Variants in PXDNL observed in about 807,000 individuals in gnomAD.
The protein encoded by PXDNL is peroxidasin like, also known as probable oxidoreductase PXDNL.
Under a neutral mutation model 150.8 loss-of-function variants are expected in PXDNL, and 145 were observed. The observed-to-expected ratio is 0.96, with a 90% confidence interval of 0.84 to 1.10. PXDNL has a LOEUF of 1.10. Ranked by LOEUF, PXDNL falls within the 50% of genes least tolerant of loss-of-function variation. The pLI, the probability that PXDNL is intolerant of heterozygous loss-of-function variation, is 0.00. For synonymous variants in PXDNL, 757 were observed against 725.7 expected, an observed-to-expected ratio of 1.04 and a Z score of -0.69; for missense variants, 2,087 against 1,873.9, an observed-to-expected ratio of 1.11 and a Z score of -2.10.
intron 1 of PXDNL, among the ~76,000 whole-genome samples, chr8:51,741,340 T>G (rs2036904838): frequency 6.6e-6 from 1 of 152,212 alleles, no homozygotes; most frequent in Non-Finnish European, 1.5e-5. Flanking sequence ...ACTTGTCTAA[T>G]GATTTTAGGT....
intron 3 of PXDNL, among the ~76,000 whole-genome samples, chr8:51,564,004 C>T (rs1364748368): frequency 6.6e-6 from 1 of 151,920 alleles, no homozygotes; most frequent in African/African-American, 2.4e-5. Context: ...TACACAAAAT[C>T]TAAAAGTCAT....
chr8:51,398,910 T>A (rs1466639913), intron 17 of PXDNL, among the ~76,000 whole-genome samples: 1 of 152,150 alleles, frequency 6.6e-6, no homozygotes, highest in African/African-American at 2.4e-5. Context: ...TGAATTAACA[T>A]TTAAACAAAT....
At chr8:51,732,297 A>T (rs1364977031) in intron 1 of PXDNL, among the ~76,000 whole-genome samples, 2 of 152,046 alleles carry the variant, frequency 1.3e-5, no homozygotes, top group Non-Finnish European at 2.9e-5. Context: ...ATGCCACCAG[A>T]CTCTTTGCTA....
chr8:51,771,021 C>A (rs2037287745), intron 1 of PXDNL, among the ~76,000 whole-genome samples: 1 of 152,214 alleles, frequency 6.6e-6, no homozygotes, highest in African/African-American at 2.4e-5. Context: ...ATCCTAAAGA[C>A]AATGACACAC....
intron 17 of PXDNL, among the ~76,000 whole-genome samples, chr8:51,397,783 C>A (rs200202478): frequency 1.3e-5 from 2 of 151,700 alleles, no homozygotes; most frequent in Admixed American, 1.3e-4. Flanking sequence ...ACTTTAAGTT[C>A]TAGGGTACAT....
chr8:51,403,424 C>T (rs1027623791), intron 17 of PXDNL, among the ~76,000 whole-genome samples: 1 of 152,132 alleles, frequency 6.6e-6, no homozygotes, highest in Non-Finnish European at 1.5e-5. Flanking sequence ...CCTCTGCTGT[C>T]CTCCCCTCTA....
intron 21 of PXDNL, among the ~76,000 whole-genome samples, chr8:51,334,147 G>C (rs1805772988): frequency 6.6e-6 from 1 of 152,120 alleles, no homozygotes; most frequent in Admixed American, 6.5e-5. Context: ...AATAAAATTG[G>C]AAATCAATTC....
intron 2 of PXDNL, among the ~76,000 whole-genome samples, chr8:51,602,760 CGTTT>C (rs1813750988): frequency 2.6e-5 from 4 of 151,478 alleles, no homozygotes; most frequent in Admixed American, 6.6e-5. Context: ...AAAAATTAAA[CGTTT>C]GTTTATGTTT....
At chr8:51,532,964 T>C (rs1811937633) in intron 4 of PXDNL, among the ~76,000 whole-genome samples, 1 of 151,436 alleles carries the variant, frequency 6.6e-6, no homozygotes, top group Non-Finnish European at 1.5e-5. Flanking sequence ...TTGAATGCAA[T>C]TCTAATTGAA....
At chr8:51,471,690 T>G (rs187378227) in intron 8 of PXDNL, among the ~76,000 whole-genome samples, 1 of 151,112 alleles carries the variant, frequency 6.6e-6, no homozygotes, top group Admixed American at 6.6e-5. Flanking sequence ...TTTTTTTTTT[T>G]GGTTTTTTTT....
In PXDNL at chr8:51,496,356, T is replaced by C. The variant is rs1347204976; in HGVS notation, c.452+3343A>G. On this transcript the variant is annotated intron_variant, in intron 5 of 22. Coordinates refer to ENST00000356297, the MANE Select transcript of PXDNL (RefSeq NM_144651.5). ...TGGGCAAAAACTGGAAGCATTCCCT[T>C]TGAAAATGGGCACAAGACAGGGATG... Among the ~76,000 whole-genome samples, 4 of 152,220 alleles carry C rather than the reference T, an allele frequency of 2.6e-5. No individual in the cohort carries two copies. The East Asian group carries it at 7.7e-4, about 29-fold the overall frequency.
intron 17 of PXDNL, among the ~76,000 whole-genome samples, chr8:51,397,269 T>A (rs1334315290): frequency 1.3e-5 from 2 of 152,252 alleles, no homozygotes; most frequent in Non-Finnish European, 2.9e-5. Context: ...TTTATATTCA[T>A]GTTACAATTA....
intron 1 of PXDNL, among the ~76,000 whole-genome samples, chr8:51,663,824 G>A (rs1002687517): frequency 6.6e-6 from 1 of 152,090 alleles, no homozygotes; most frequent in African/African-American, 2.4e-5. Flanking sequence ...GCCCGAGACA[G>A]GCAGATCACT....
chr8:51,799,298 AGG>A (rs2037594322), intron 1 of PXDNL, among the ~76,000 whole-genome samples: 3 of 152,288 alleles, frequency 2.0e-5, no homozygotes, highest in Admixed American at 2.0e-4. Flanking sequence ...TTTAATACCT[AGG>A]TGATGGGTTG....
intron 14 of PXDNL, among the ~76,000 whole-genome samples, chr8:51,420,246 T>C (rs1176560864): frequency 6.6e-6 from 1 of 152,216 alleles, no homozygotes; most frequent in Non-Finnish European, 1.5e-5. Flanking sequence ...AAAATCCTCC[T>C]GTAAGGTATG....
intron 4 of PXDNL, among the ~76,000 whole-genome samples, chr8:51,534,031 G>A (rs1811983064): frequency 7.1e-6 from 1 of 141,438 alleles, no homozygotes; most frequent in Admixed American, 6.7e-5. Flanking sequence ...ATCCCATCTA[G>A]GAAGCGAGGA....
intron 1 of PXDNL, among the ~76,000 whole-genome samples, chr8:51,758,026 T>A (rs2037121790): frequency 6.7e-6 from 1 of 149,558 alleles, no homozygotes; most frequent in Non-Finnish European, 1.5e-5. Context: ...AAAGTTTTTT[T>A]AATAATATAA....
intron 6 of PXDNL, among the ~76,000 whole-genome samples, chr8:51,479,392 C>A (rs1810551862): frequency 6.6e-6 from 1 of 152,122 alleles, no homozygotes; most frequent in Non-Finnish European, 1.5e-5. Flanking sequence ...GAAAATAATA[C>A]ACAATATTTC....
chr8:51,476,086 G>A (rs897271332), intron 6 of PXDNL, among the ~76,000 whole-genome samples: 1 of 150,670 alleles, frequency 6.6e-6, no homozygotes, highest in Non-Finnish European at 1.5e-5. Context: ...GACAGAGTGT[G>A]ACCCTGTCCC....
Sources: gnomAD v4.1 joint callset for allele counts (sites outside exome capture counted in the v4.1 genomes callset) on GRCh38, gnomAD v4.1.1 for gene constraint, MANE v1.5 for transcripts, NCBI Gene and HGNC (gene_info 2026-07-23, HGNC 2026-07-21) for gene names.